Variants in ANO1 observed in about 807,000 individuals in gnomAD.
ANO1 encodes the protein anoctamin-1.
A neutral mutation model predicts 124.0 loss-of-function variants in ANO1; 59 were observed. That is an observed-to-expected ratio of 0.48 (90% CI 0.39 to 0.59). The LOEUF (loss-of-function observed/expected upper bound fraction) is 0.59, where lower values mean the gene tolerates loss of function less well. Ranked by LOEUF, ANO1 falls within the 20% of genes least tolerant of loss-of-function variation. The pLI is 0.00. For synonymous variants in ANO1, 529 were observed against 532.0 expected (o/e 0.99, Z 0.08); for missense variants, 1,059 against 1,328.0 (o/e 0.80, Z 3.15).
intron 1 of ANO1, among the ~76,000 whole-genome samples, chr11:70,023,572 C>A (rs185529175): frequency 1.1e-4 from 16 of 152,292 alleles, no homozygotes; most frequent in Middle Eastern, 3.4e-3. Context: ...ATGGTCTAGT[C>A]GCTGCCAACA....
At chr11:70,159,391 C>A (rs1032223281) in intron 16 of ANO1, among the ~76,000 whole-genome samples, 1 of 152,192 alleles carries the variant, frequency 6.6e-6, no homozygotes, top group Non-Finnish European at 1.5e-5. Flanking sequence ...ACACTGCCAT[C>A]TCAGCAAGGC....
chr11:70,134,283 T>C (rs1176658107), intron 11 of ANO1, among the ~76,000 whole-genome samples: 3 of 152,136 alleles, frequency 2.0e-5, no homozygotes, highest in Non-Finnish European at 4.4e-5. Context: ...AGGTGGTCCA[T>C]AGCATGACCC....
chr11:70,061,029 A>G (rs1338689710), intron 1 of ANO1, among the ~76,000 whole-genome samples: 2 of 152,214 alleles, frequency 1.3e-5, no homozygotes, highest in African/African-American at 4.8e-5. Context: ...AGAGTCGGAA[A>G]TATCCAACAA....
At chr11:69,973,934 T>A in the ANO1 span, among the ~76,000 whole-genome samples, 3 of 152,130 alleles carry the variant, frequency 2.0e-5, no homozygotes, top group African/African-American at 4.8e-5. Flanking sequence ...TACCAACATA[T>A]TTTTAATTCC....
At position 70,123,728 on chromosome 11, in the gene ANO1, G is replaced by C. The variant is rs150337099; in HGVS notation, c.898-622G>C. On this transcript the variant is annotated intron_variant, in intron 8 of 25. Transcript: ENST00000355303. ...CATGATGTATGAGCCTGGGCTTTGA[G>C]TTGAGGTCTGTAAAGCATTAACCAC... 8.4e-4 allele frequency among the ~76,000 whole-genome samples: 128 copies of C among 152,308 alleles called. 2 individuals carry two copies. The East Asian group carries it at 0.023, about 27-fold the overall frequency.
At chr11:69,982,729 C>T (rs1340770958), upstream of ANO1, among the ~76,000 whole-genome samples, 1 of 152,214 alleles carries the variant, frequency 6.6e-6, no homozygotes, top group African/African-American at 2.4e-5. Context: ...AGCTTGCTCA[C>T]TCCTCCAGGC....
chr11:70,087,154 T>C (rs912518846), intron 1 of ANO1, among the ~76,000 whole-genome samples: 2 of 152,186 alleles, frequency 1.3e-5, no homozygotes, highest in African/African-American at 2.4e-5. Context: ...GGTGGGTACA[T>C]AGTGGGTGTA....
At chr11:69,968,113 T>C in the ANO1 span, among the ~76,000 whole-genome samples, 1 of 151,870 alleles carries the variant, frequency 6.6e-6, no homozygotes, top group Non-Finnish European at 1.5e-5. Context: ...GTTTATCGAG[T>C]GAATGAATGA....
At chr11:70,073,942 G>A (rs1388791453), upstream of ANO1, among the ~76,000 whole-genome samples, 1 of 151,052 alleles carries the variant, frequency 6.6e-6, no homozygotes, top group Non-Finnish European at 1.5e-5. Flanking sequence ...TCAAGCTGCG[G>A]TTGGCCGGCC....
chr11:69,994,697 A>G (rs1171760499), intron 1 of ANO1, among the ~76,000 whole-genome samples: 1 of 152,214 alleles, frequency 6.6e-6, no homozygotes, highest in Non-Finnish European at 1.5e-5. Flanking sequence ...ATGCTGTCAC[A>G]TCAAAAATAG....
At chr11:70,091,518 G>A (rs1469144223) in intron 2 of ANO1, among the ~76,000 whole-genome samples, 1 of 152,176 alleles carries the variant, frequency 6.6e-6, no homozygotes, top group African/African-American at 2.4e-5. Flanking sequence ...CAGTGTACGT[G>A]GGGGGCAAAA....
chr11:70,027,513 G>A (rs974730716), intron 1 of ANO1, among the ~76,000 whole-genome samples: 4 of 152,344 alleles, frequency 2.6e-5, no homozygotes, highest in African/African-American at 9.6e-5. Flanking sequence ...GCAAGCCAGG[G>A]CCCATCTGGG....
In ANO1 at chr11:70,116,454, A is replaced by T; in HGVS notation, c.856-4A>T. On this transcript the variant is annotated splice_polypyrimidine_tract_variant and splice_region_variant and intron_variant, in intron 7 of 25. Coordinates refer to ENST00000355303, the MANE Select transcript of ANO1 (RefSeq NM_018043.7). Reference sequence around the variant, plus strand: ...AGAACGTCCCTTTCCTCTTTTTTTAACAGGGAGACTACAACGGTGAAAACG... The same window carrying T: ...AGAACGTCCCTTTCCTCTTTTTTTATCAGGGAGACTACAACGGTGAAAACG... The T allele has an allele frequency of 6.3e-7, 1 of 1,596,870 alleles. No homozygotes were observed. Among genetic ancestry groups the T allele is most frequent in the Non-Finnish European group, 8.5e-7 (1 of 1,171,522 alleles).
rs528342089 is a variant in ANO1, at chr11:70,123,243, C to G, written c.898-1107C>G. Among the ~76,000 whole-genome samples the G allele has an allele frequency of 3.3e-5, 5 of 152,268 alleles. No homozygotes were observed. The East Asian group carries it at 9.7e-4, about 29-fold the overall frequency. ...TAGCTGCAGGTGAGGCTGGTGGTTT[C>G]GGGGGGCTGTGCAGCAGCAGGCGGC... On this transcript the variant is annotated intron_variant, in intron 8 of 25. Transcript: ENST00000355303.
At chr11:70,065,626 C>T (rs1246734224) in intron 1 of ANO1, among the ~76,000 whole-genome samples, 3 of 151,944 alleles carry the variant, frequency 2.0e-5, no homozygotes, top group Non-Finnish European at 2.9e-5. Context: ...CTGCCCTTGT[C>T]CCCCGTCGTC....
chr11:70,173,623 T>C (rs1204694545), intron 22 of ANO1, among the ~76,000 whole-genome samples: 1 of 152,200 alleles, frequency 6.6e-6, no homozygotes, highest in East Asian at 1.9e-4. Flanking sequence ...AGGTTTGCAC[T>C]TGTTTTCTGT....
At chr11:70,116,327 T>C (rs2045973481) in intron 7 of ANO1, 131 bp from the exon 8 acceptor site, 2 of 965,450 alleles carry the variant, frequency 2.1e-6, no homozygotes, top group Admixed American at 2.2e-5. Context: ...CTGTGTGAAA[T>C]GTTGCCCCAG....
intron 1 of ANO1, among the ~76,000 whole-genome samples, chr11:70,020,550 G>A (rs1319414997): frequency 1.3e-5 from 2 of 152,198 alleles, no homozygotes; most frequent in Non-Finnish European, 2.9e-5. Flanking sequence ...TCCCAGCTCA[G>A]TGGGTCCGGC....
chr11:70,186,563 A>G (rs1056723841), intron 25 of ANO1, among the ~76,000 whole-genome samples: 1 of 151,952 alleles, frequency 6.6e-6, no homozygotes, highest in Non-Finnish European at 1.5e-5. Flanking sequence ...GTCTCTAGGG[A>G]GGGGTCTGGG....
Sources: gnomAD v4.1 joint callset for allele counts (sites outside exome capture counted in the v4.1 genomes callset) on GRCh38, gnomAD v4.1.1 for gene constraint, MANE v1.5 for transcripts, NCBI Gene and HGNC (gene_info 2026-07-23, HGNC 2026-07-21) for gene names.